Variants in TGS1 observed in about 807,000 individuals in gnomAD.
TGS1 encodes the protein trimethylguanosine synthase.
A neutral mutation model predicts 92.2 loss-of-function variants in TGS1; 69 were observed. The observed-to-expected ratio is 0.75, with a 90% CI of 0.62 to 0.91. The LOEUF is 0.91. Ranked by LOEUF, TGS1 falls within the 40% of genes least tolerant of loss-of-function variation. The pLI, the probability that TGS1 is intolerant of heterozygous loss-of-function variation, is 0.00. For missense variants in TGS1, 1,062 were observed against 1,001.2 expected, an observed-to-expected ratio of 1.06 and a Z score of -0.82; for synonymous variants, 345 against 338.1, an observed-to-expected ratio of 1.02 and a Z score of -0.22.
At chr8:55,815,235 T>C (rs1466529082) in intron 12 of TGS1, among the ~76,000 whole-genome samples, 1 of 152,242 alleles carries the variant, frequency 6.6e-6, no homozygotes, top group Admixed American at 6.5e-5. Flanking sequence ...GAATTGGAGT[T>C]GGTGATTCAT....
At chr8:55,803,044 TC>T (rs1812265283) in intron 9 of TGS1, among the ~76,000 whole-genome samples, 1 of 152,190 alleles carries the variant, frequency 6.6e-6, no homozygotes, top group Non-Finnish European at 1.5e-5. Context: ...GTGGAATGTT[TC>T]CTTAGCCTTT....
intron 1 of TGS1, among the ~76,000 whole-genome samples, chr8:55,779,846 A>G (rs180911903): frequency 6.6e-6 from 1 of 152,040 alleles, no homozygotes; most frequent in African/African-American, 2.4e-5. Flanking sequence ...TTTTCATTAC[A>G]AATAATTTCA....
intron 8 of TGS1, among the ~76,000 whole-genome samples, chr8:55,799,592 G>A (rs1411103178): frequency 6.6e-6 from 1 of 151,936 alleles, no homozygotes; most frequent in Non-Finnish European, 1.5e-5. Flanking sequence ...TCCTTTTTTT[G>A]TGTGAGACAG....
At chr8:55,804,221 A>T (rs1049720073) in intron 9 of TGS1, among the ~76,000 whole-genome samples, 11 of 152,108 alleles carry the variant, frequency 7.2e-5, no homozygotes, top group African/African-American at 2.4e-4. Context: ...CAGGCAAATC[A>T]CTTGAGGCCA....
chr8:55,784,352 T>C (rs983484630), intron 2 of TGS1, among the ~76,000 whole-genome samples: 1 of 152,168 alleles, frequency 6.6e-6, no homozygotes, highest in Non-Finnish European at 1.5e-5. Flanking sequence ...TTAGGGGATT[T>C]CAAACCTTTC....
chr8:55,824,476 C>A, intron 12 of TGS1, 105 bp from the exon 13 acceptor site: 1 of 1,470,394 alleles, frequency 6.8e-7, no homozygotes. Context: ...ATTCAAAGGA[C>A]TTAAAAGCCA....
At chr8:55,810,200 C>T (rs1023036716) in intron 10 of TGS1, among the ~76,000 whole-genome samples, 2 of 152,184 alleles carry the variant, frequency 1.3e-5, no homozygotes, top group African/African-American at 2.4e-5. Flanking sequence ...CAGTAGTGCA[C>T]ATGCAAGTAT....
At chr8:55,822,495 G>C (rs527544612) in intron 12 of TGS1, among the ~76,000 whole-genome samples, 1 of 151,494 alleles carries the variant, frequency 6.6e-6, no homozygotes, top group African/African-American at 2.4e-5. Context: ...AAAAATTATT[G>C]TGAAAAAATG....
intron 12 of TGS1, among the ~76,000 whole-genome samples, chr8:55,822,218 C>T (rs1363588231): frequency 2.0e-5 from 3 of 151,762 alleles, no homozygotes; most frequent in Non-Finnish European, 4.4e-5. Flanking sequence ...TACAGGCGCC[C>T]GCCACCACCC....
rs914742994 is a variant in TGS1 at position 55,811,070 on chromosome 8, A to C, written c.2333A>C (p.Asp778Ala). The C allele has an allele frequency of 4.3e-6, 7 of 1,613,810 alleles. No individual in the cohort carries two copies. The highest frequency in any genetic ancestry group is 5.1e-6 in the Non-Finnish European group (6 of 1,179,966). ...GPDYATAETF[D>A]IRTMMSPDGF... ...GACTATGCCACTGCAGAGACCTTTG[A>C]CATTAGAACAATGATGTCTCCTGAT... The change falls in exon 11 of 13, where the codon GAC (aspartate) becomes GCC (alanine). Residue 778 changes from aspartate to alanine, a missense_variant. By Grantham distance (126) the Asp-to-Ala change is moderately radical (BLOSUM62 -2). Coordinates refer to ENST00000260129, the MANE Select transcript of TGS1 (RefSeq NM_024831.8).
At chr8:55,794,464 G>T (rs1293301133) in intron 6 of TGS1, among the ~76,000 whole-genome samples, 1 of 152,170 alleles carries the variant, frequency 6.6e-6, no homozygotes, top group African/African-American at 2.4e-5. Context: ...GCATTTTGCT[G>T]TTACAAATAA....
chr8:55,795,991 C>A lies in TGS1; in HGVS notation c.1381C>A (p.Pro461Thr), dbSNP rs1340173623. 1.2e-6 allele frequency: 2 copies of A among 1,612,586 alleles called. No individual in the cohort carries two copies. Among genetic ancestry groups the A allele is most frequent in the South Asian group, 2.2e-5 (2 of 90,720 alleles). Residue 461 changes from proline to threonine, a missense_variant, in exon 7 of 13, where the codon CCA (proline) becomes ACA (threonine). Pro to Thr is a conservative substitution (Grantham distance 38, BLOSUM62 -1). Transcript: ENST00000260129. ...GATCTGTCACAGATATGGTGGAATC[C>A]CAAATTTCAGTCATCGGCAGGTCAG... is the stretch of plus-strand genomic sequence containing the variant. ...YGSGQKYGGI[P>T]NFSHRQVRYL...
At chr8:55,812,892 A>T in intron 11 of TGS1, 148 bp from the exon 12 acceptor site, 1 of 623,944 alleles carries the variant, frequency 1.6e-6, no homozygotes, top group South Asian at 1.8e-5. Flanking sequence ...TTTTGTATGT[A>T]ATTCTCTTTT....
chr8:55,781,470 A>C (rs1811560881), intron 1 of TGS1, among the ~76,000 whole-genome samples: 1 of 152,224 alleles, frequency 6.6e-6, no homozygotes, highest in African/African-American at 2.4e-5. Context: ...TATCTTCAAC[A>C]CATTTACATA....
intron 9 of TGS1, among the ~76,000 whole-genome samples, chr8:55,803,126 G>A (rs974003680): frequency 9.0e-6 from 1 of 110,566 alleles, no homozygotes; most frequent in African/African-American, 3.9e-5. Flanking sequence ...CTTCAATTTG[G>A]GGGGGTGTGT....
chr8:55,803,195 G>A (rs950690517), intron 9 of TGS1, among the ~76,000 whole-genome samples: 9 of 152,066 alleles, frequency 5.9e-5, no homozygotes, highest in Admixed American at 1.3e-4. Flanking sequence ...TTTGTAGCAC[G>A]TTAGGATAGA....
intron 12 of TGS1, among the ~76,000 whole-genome samples, chr8:55,816,867 T>TA (rs896369723): frequency 1.3e-5 from 2 of 151,814 alleles, no homozygotes; most frequent in Non-Finnish European, 2.9e-5. Context: ...TTTATTTATT[T>TA]TTTTTTTTTT....
chr8:55,791,671 T>C (rs1214476967), intron 5 of TGS1, among the ~76,000 whole-genome samples: 1 of 152,174 alleles, frequency 6.6e-6, no homozygotes, highest in African/African-American at 2.4e-5. Flanking sequence ...CTCTAACCTT[T>C]TCCTCTCTTC....
intron 9 of TGS1, among the ~76,000 whole-genome samples, chr8:55,804,648 G>T (rs182822723): frequency 1.3e-5 from 2 of 152,150 alleles, no homozygotes; most frequent in African/African-American, 4.8e-5. Flanking sequence ...AAAGATGGAG[G>T]TATACAGTAT....
Sources: allele counts gnomAD v4.1 joint callset (sites outside exome capture counted in the v4.1 genomes callset), GRCh38; gene constraint gnomAD v4.1.1; transcripts MANE v1.5; gene names NCBI Gene and HGNC (gene_info 2026-07-23, HGNC 2026-07-21).